The following COL5A1 variants were observed in gnomAD, a reference collection of about 807,000 sequenced individuals.
COL5A1 encodes the protein collagen alpha-1(V) chain.
A neutral mutation model predicts 263.7 loss-of-function variants in COL5A1; 16 were observed. The observed-to-expected ratio is 0.06, with a 90% CI of 0.04 to 0.09. The LOEUF is 0.09. Ranked by LOEUF, COL5A1 falls within the 10% of genes least tolerant of loss-of-function variation. COL5A1 has a pLI of 1.00. For missense variants in COL5A1, 2,036 were observed against 2,540.5 expected, an observed-to-expected ratio of 0.80 and a Z score of 4.27; for synonymous variants, 1,012 against 1,004.5, an observed-to-expected ratio of 1.01 and a Z score of -0.14.
intron 11 of COL5A1, among the ~76,000 whole-genome samples, chr9:134,746,245 C>G (rs114938262): frequency 0.018 from 2,778 of 152,318 alleles, 52 homozygotes; most frequent in African/African-American, 0.043. Flanking sequence ...CTGGACAGAA[C>G]CACATGCACA....
intron 4 of COL5A1, among the ~76,000 whole-genome samples, chr9:134,714,252 TTGA>T (rs1340293334): frequency 2.0e-5 from 3 of 151,828 alleles, no homozygotes; most frequent in Non-Finnish European, 2.9e-5. Flanking sequence ...TCCAGGACTG[TTGA>T]TGATGGTGGT....
intron 29 of COL5A1, among the ~76,000 whole-genome samples, chr9:134,784,622 A>G (rs1837383330): frequency 6.6e-6 from 1 of 152,242 alleles, no homozygotes; most frequent in South Asian, 2.1e-4. Context: ...ACTCTGCTCT[A>G]TTTGGAGAAA....
chr9:134,653,821 G>A (rs1235926462), intron 1 of COL5A1, among the ~76,000 whole-genome samples: 1 of 151,808 alleles, frequency 6.6e-6, no homozygotes, highest in Non-Finnish European at 1.5e-5. Context: ...TAGGGCTGGG[G>A]GTGTGCAGGG....
intron 4 of COL5A1, among the ~76,000 whole-genome samples, chr9:134,725,818 T>G (rs903386700): frequency 1.3e-5 from 2 of 152,260 alleles, no homozygotes; most frequent in African/African-American, 4.8e-5. Context: ...TATTCCATTC[T>G]ATGCATATAC....
At chr9:134,810,806 T>G (rs1354821936) in intron 44 of COL5A1, among the ~76,000 whole-genome samples, 1 of 152,130 alleles carries the variant, frequency 6.6e-6, no homozygotes. Context: ...TCCCCCAGTA[T>G]GTTGATTCCT....
At position 134,754,695 on chromosome 9, in the gene COL5A1, G is replaced by A. The variant is rs1395062522; in HGVS notation, c.1827+369G>A. 3.3e-5 allele frequency among the ~76,000 whole-genome samples: 5 copies of A among 152,200 alleles called. No homozygotes were observed. Among genetic ancestry groups the A allele is most frequent in the Non-Finnish European group, 7.3e-5 (5 of 68,028 alleles). Reference sequence around the variant, plus strand: ...ACTCCAGAAATGGCCTGATTCGGGGGCATGGGCGGGCCTTCCTGCGCCTTA... The same window carrying A: ...ACTCCAGAAATGGCCTGATTCGGGGACATGGGCGGGCCTTCCTGCGCCTTA... On this transcript the variant is annotated intron_variant, in intron 16 of 65. Coordinates refer to ENST00000371817, the MANE Select transcript of COL5A1 (RefSeq NM_000093.5). The surrounding 1 kb of genome is among the most constrained non-coding windows in gnomAD (Gnocchi z 4.3).
intron 25 of COL5A1, among the ~76,000 whole-genome samples, chr9:134,772,224 C>A (rs1836887054): frequency 6.6e-6 from 1 of 152,256 alleles, no homozygotes; most frequent in Non-Finnish European, 1.5e-5. Flanking sequence ...TAGCCCTCCA[C>A]CCCGCACCAA....
chr9:134,657,522 G>A (rs1252033333), intron 1 of COL5A1, among the ~76,000 whole-genome samples: 1 of 88,114 alleles, frequency 1.1e-5, no homozygotes, highest in East Asian at 3.6e-4. Flanking sequence ...AGATAATATG[G>A]GGGTGGGGTG....
chr9:134,669,789 G>C (rs1472941818), intron 1 of COL5A1, among the ~76,000 whole-genome samples: 1 of 152,178 alleles, frequency 6.6e-6, no homozygotes, highest in Non-Finnish European at 1.5e-5. Context: ...GATGGGAGGG[G>C]AGAAGTGAGG....
chr9:134,676,296 A>G (rs760384639), intron 1 of COL5A1, among the ~76,000 whole-genome samples: 1 of 152,132 alleles, frequency 6.6e-6, no homozygotes, highest in Non-Finnish European at 1.5e-5. Flanking sequence ...TTAAGATGAA[A>G]GGGATTGTGC....
intron 1 of COL5A1, among the ~76,000 whole-genome samples, chr9:134,665,512 T>C (rs373621825): frequency 3.9e-5 from 6 of 152,304 alleles, no homozygotes; most frequent in African/African-American, 7.2e-5. Context: ...TTGTCTATGA[T>C]TATTGAAAAG....
chr9:134,821,144 G>A lies in COL5A1; in HGVS notation c.4554+921G>A, dbSNP rs901394483. Among the ~76,000 whole-genome samples, 3 of 152,100 alleles carry A rather than the reference G, an allele frequency of 2.0e-5. No individual in the cohort carries two copies. Among genetic ancestry groups the A allele is most frequent in the African/African-American group, 4.8e-5 (2 of 41,424 alleles). ...ATCCCCAGGCCACAGCAGGGTCGTC[G>A]GAGGAGTGCCGCCCAGGGTGTGGTG... On this transcript the variant is annotated intron_variant, in intron 58 of 65. Transcript: ENST00000371817. This position sits in a 1 kb window ranked among gnomAD's most constrained non-coding sequence, Gnocchi z 4.2.
chr9:134,832,036 G>A (rs778948680), intron 64 of COL5A1, among the ~76,000 whole-genome samples: 11 of 152,128 alleles, frequency 7.2e-5, no homozygotes, highest in African/African-American at 9.7e-5. Flanking sequence ...AGGCTCAGGC[G>A]GGCAGATTGC....
intron 28 of COL5A1, among the ~76,000 whole-genome samples, chr9:134,781,054 G>A (rs777427036): frequency 1.2e-4 from 18 of 152,258 alleles, no homozygotes; most frequent in Non-Finnish European, 1.5e-4. Flanking sequence ...GATGGTCCAC[G>A]TGCCGAGACT....
intron 4 of COL5A1, among the ~76,000 whole-genome samples, chr9:134,724,995 G>C (rs2132627812): frequency 6.6e-6 from 1 of 152,290 alleles, no homozygotes; most frequent in South Asian, 2.1e-4. Flanking sequence ...TGTGGCTCTG[G>C]AAAAGTGTGC....
rs772804848 is a variant in COL5A1, at chr9:134,738,837, C to T, written c.1494+29C>T. On this transcript the variant is annotated intron_variant, in intron 11 of 65. Transcript: ENST00000371817. The stretch of plus-strand genomic sequence containing the variant: ...AGAGGTTGACTGTGTTTCCTGAGAT[C>T]ACACAAGGTGTGGGGCTGCCCACGC... 8.1e-6 allele frequency: 13 copies of T among 1,597,294 alleles called. No homozygotes were observed. The East Asian group carries it at 1.3e-4, about 16-fold the overall frequency.
intron 19 of COL5A1, 93 bp from the exon 20 acceptor site, chr9:134,763,600 C>G: frequency 7.5e-7 from 1 of 1,333,390 alleles, no homozygotes; most frequent in Middle Eastern, 1.8e-4. Flanking sequence ...TGAAGCAGCC[C>G]CAAGCCAGAG....
At chr9:134,709,457 G>C (rs1258580292) in intron 4 of COL5A1, among the ~76,000 whole-genome samples, 1 of 152,238 alleles carries the variant, frequency 6.6e-6, no homozygotes, top group African/African-American at 2.4e-5. Context: ...ATTCTCATTT[G>C]CAGTTCTGGT....
Position 134,731,482 on chromosome 9 carries a change from C to G in COL5A1, c.1165-14C>G, listed in dbSNP as rs1276783300. The G allele has an allele frequency of 6.2e-7, 1 of 1,613,920 alleles. No homozygotes were observed. Among genetic ancestry groups the G allele is most frequent in the East Asian group, 2.2e-5 (1 of 44,876 alleles). On this transcript the variant is annotated splice_polypyrimidine_tract_variant and intron_variant, in intron 7 of 65. Coordinates refer to ENST00000371817, the MANE Select transcript of COL5A1 (RefSeq NM_000093.5). ...GTTTGCGAGGCAACCCTGCGCCTTC[C>G]TCTCCCTCTGCAGCCAGCTCCGCCT...
Sources: gnomAD v4.1 joint callset for allele counts (sites outside exome capture counted in the v4.1 genomes callset) on GRCh38, gnomAD v4.1.1 for gene constraint, Gnocchi (gnomAD v3.1) non-coding constraint, MANE v1.5 for transcripts, NCBI Gene and HGNC (gene_info 2026-07-23, HGNC 2026-07-21) for gene names.